The following SLC24A2 variants were observed in gnomAD, a reference collection of about 807,000 sequenced individuals.
SLC24A2 encodes the protein sodium/potassium/calcium exchanger 2.
SLC24A2 carries 36 observed loss-of-function variants against 62.0 expected under a neutral mutation model. The observed-to-expected ratio is 0.58, with a 90% CI of 0.44 to 0.77. The LOEUF is 0.77. Among genes scored for constraint, SLC24A2 ranks in the 30% least tolerant of loss-of-function variants. The pLI is 0.00. For missense variants in SLC24A2, 846 were observed against 817.9 expected (o/e 1.03, Z -0.42); for synonymous variants, 358 against 294.0 (o/e 1.22, Z -2.23).
At chr9:19,559,004 G>A (rs1483064294) in intron 7 of SLC24A2, among the ~76,000 whole-genome samples, 2 of 152,178 alleles carry the variant, frequency 1.3e-5, no homozygotes, top group African/African-American at 4.8e-5. Context: ...CTACTAAATA[G>A]GAAGTCAAGC....
chr9:20,038,578 A>T, the SLC24A2 span, among the ~76,000 whole-genome samples: 3 of 147,548 alleles, frequency 2.0e-5, no homozygotes, highest in African/African-American at 7.5e-5. Context: ...CTCTTCTCCC[A>T]TCCTCTCCCT....
At chr9:20,059,541 A>G in the SLC24A2 span, among the ~76,000 whole-genome samples, 1 of 152,160 alleles carries the variant, frequency 6.6e-6, no homozygotes, top group African/African-American at 2.4e-5. Flanking sequence ...TAAACAACAT[A>G]CTCTTTAAAC....
Position 19,786,839 on chromosome 9 carries a change from T to C in SLC24A2, c.28A>G (p.Thr10Ala). The C allele has an allele frequency of 2.5e-6, 4 of 1,611,978 alleles. No homozygotes were observed. Among genetic ancestry groups the C allele is most frequent in the Non-Finnish European group, 3.4e-6 (4 of 1,179,864 alleles). The change falls in exon 2 of 11, where the codon ACT becomes GCT. Residue 10 changes from threonine to alanine, a missense_variant. Coordinates refer to ENST00000341998, the MANE Select transcript of SLC24A2 (RefSeq NM_020344.4). The surrounding 1 kb of genome is among the most constrained non-coding windows in gnomAD (Gnocchi z 5.0). MDLQQSTTI[T>A]SLEKWCLDES... is the part of the protein sequence containing the mutation. ...TCCAAACACCATTTCTCTAGGGAAG[T>C]GATGGTGGTGCTTTGTTGCAGATCC...
At chr9:19,611,048 G>T (rs575020787) in intron 4 of SLC24A2, among the ~76,000 whole-genome samples, 1 of 152,130 alleles carries the variant, frequency 6.6e-6, no homozygotes, top group Admixed American at 6.5e-5. Context: ...GTGAGAACTC[G>T]GATTCACTTT....
the SLC24A2 span, among the ~76,000 whole-genome samples, chr9:20,281,294 A>C: frequency 6.6e-6 from 1 of 152,228 alleles, no homozygotes; most frequent in African/African-American, 2.4e-5. Context: ...ATACTTTTTA[A>C]GGAAACTATA....
At chr9:20,221,427 G>T in the SLC24A2 span, among the ~76,000 whole-genome samples, 1 of 151,930 alleles carries the variant, frequency 6.6e-6, no homozygotes, top group Admixed American at 6.6e-5. Context: ...ACTAATTTAG[G>T]TGAAAAAATA....
the SLC24A2 span, among the ~76,000 whole-genome samples, chr9:19,816,744 A>G: frequency 6.6e-5 from 10 of 151,994 alleles, no homozygotes; most frequent in African/African-American, 2.4e-4. Context: ...GAGGTGCCAC[A>G]TACTTTTAAA....
intron 1 of SLC24A2, 65 bp downstream of exon 1, chr9:19,788,820 C>G (rs1587330289): frequency 1.0e-6 from 1 of 985,426 alleles, no homozygotes; most frequent in East Asian, 1.1e-4. Flanking sequence ...TGCGCGCAAC[C>G]GGGATGCGGG....
chr9:19,570,272 T>C (rs1678679187), intron 7 of SLC24A2, among the ~76,000 whole-genome samples: 1 of 152,252 alleles, frequency 6.6e-6, no homozygotes, highest in Non-Finnish European at 1.5e-5. Context: ...AAACATGACT[T>C]TCCCTTTTAA....
At chr9:19,710,584 G>T (rs1448827411) in intron 2 of SLC24A2, among the ~76,000 whole-genome samples, 1 of 152,144 alleles carries the variant, frequency 6.6e-6, no homozygotes, top group Non-Finnish European at 1.5e-5. Flanking sequence ...CAAACTAAAA[G>T]TGCTAGGATA....
At chr9:20,018,588 T>G in the SLC24A2 span, among the ~76,000 whole-genome samples, 6 of 152,158 alleles carry the variant, frequency 3.9e-5, no homozygotes, top group Non-Finnish European at 7.3e-5. Flanking sequence ...CTACCTTAAA[T>G]ATGTGTTACT....
chr9:20,264,897 T>G, the SLC24A2 span, among the ~76,000 whole-genome samples: 1 of 152,194 alleles, frequency 6.6e-6, no homozygotes, highest in African/African-American at 2.4e-5. Context: ...AATCTCTGAG[T>G]TCAAGACGGC....
chr9:19,947,848 G>GAAATAAAT, the SLC24A2 span, among the ~76,000 whole-genome samples: 5 of 145,440 alleles, frequency 3.4e-5, no homozygotes, highest in Non-Finnish European at 7.6e-5. Flanking sequence ...AAGAAAGAAA[G>GAAATAAAT]AAATTAGTTC....
chr9:19,981,517 A>G, the SLC24A2 span, among the ~76,000 whole-genome samples: 1 of 152,096 alleles, frequency 6.6e-6, no homozygotes, highest in African/African-American at 2.4e-5. Flanking sequence ...TAATTTTTGG[A>G]ATCTCTCAAA....
chr9:19,866,625 CTTTTTTTTT>C, the SLC24A2 span, among the ~76,000 whole-genome samples: 33 of 68,210 alleles, frequency 4.8e-4, no homozygotes, highest in East Asian at 1.7e-3. Flanking sequence ...CACGTTTTCA[CTTTTTTTTT>C]TTTTTTTTTT....
chr9:20,031,582 A>G, the SLC24A2 span, among the ~76,000 whole-genome samples: 1 of 152,154 alleles, frequency 6.6e-6, no homozygotes, highest in East Asian at 1.9e-4. Flanking sequence ...TAAAAAAATC[A>G]AAAGATCACT....
chr9:20,248,791 A>T, the SLC24A2 span, among the ~76,000 whole-genome samples: 1 of 152,214 alleles, frequency 6.6e-6, no homozygotes, highest in Non-Finnish European at 1.5e-5. Context: ...AATCCTGACA[A>T]TGTACAACTA....
chr9:20,300,399 C>G, the SLC24A2 span, among the ~76,000 whole-genome samples: 1 of 152,124 alleles, frequency 6.6e-6, no homozygotes, highest in South Asian at 2.1e-4. Flanking sequence ...TATAAAATGG[C>G]CTTGTCAAAG....
the SLC24A2 span, among the ~76,000 whole-genome samples, chr9:20,190,978 G>C: frequency 6.6e-6 from 1 of 152,136 alleles, no homozygotes; most frequent in Non-Finnish European, 1.5e-5. Flanking sequence ...TCTTCTCAAG[G>C]AGCTTGCTCT....
Sources: gnomAD v4.1 joint callset for allele counts (sites outside exome capture counted in the v4.1 genomes callset) on GRCh38, gnomAD v4.1.1 for gene constraint, Gnocchi (gnomAD v3.1) non-coding constraint, MANE v1.5 for transcripts, NCBI Gene and HGNC (gene_info 2026-07-23, HGNC 2026-07-21) for gene names.